CPT1B: variants seen among roughly 807,000 people sequenced by gnomAD.
CPT1B encodes carnitine palmitoyltransferase 1B.
In CPT1B, 57 loss-of-function variants were observed where a neutral mutation model predicts 92.7. The ratio of observed to expected loss-of-function variants is 0.62; its 90% CI spans 0.50 to 0.77. CPT1B has a LOEUF of 0.77. Ranked by LOEUF, CPT1B falls within the 30% of genes least tolerant of loss-of-function variation. The probability of loss-of-function intolerance (pLI) is 0.00; values close to 1 mark genes in which losing one functional copy is unlikely to be tolerated. For missense variants in CPT1B, 983 were observed against 1,017.4 expected (o/e 0.97, Z 0.46); for synonymous variants, 398 against 383.5 (o/e 1.04, Z -0.44).
At chr22:50,577,623 AC>A in intron 2 of CPT1B, 151 bp downstream of exon 2, 1 of 1,403,104 alleles carries the variant, frequency 7.1e-7, no homozygotes, top group Non-Finnish European at 9.7e-7. Flanking sequence ...CCTGTGTCCG[AC>A]CACATCCTGT....
In CPT1B at chr22:50,573,126, G is replaced by T; in HGVS notation, c.1167-66C>A. On this transcript the variant is annotated intron_variant, in intron 10 of 19. Transcript: ENST00000312108. The surrounding 1 kb of genome is among the most constrained non-coding windows in gnomAD (Gnocchi z 5.0). ...GGGATGAGGGTGCCTCTGAGGGCCT[G>T]GCTGGACCTGGAGATGGGGGTGGGG... 1 of 1,403,090 alleles carries T rather than the reference G, an allele frequency of 7.1e-7. No homozygotes were observed. The highest frequency in any genetic ancestry group is 9.8e-7 in the Non-Finnish European group (1 of 1,024,734). 86.9% of individuals were successfully genotyped at this position (1,403,090 alleles called of 1,614,324 possible).
chr22:50,569,346 AGGC>A lies in CPT1B; in HGVS notation c.2308_2310del (p.Ala770del), dbSNP rs1274759423. On this transcript the variant is annotated inframe_deletion, in exon 19 of 20. Transcript: ENST00000312108. ...TGGCATTTCTCCAACCTTCAGCTGTAGGCCTTGGGAACTTGGAAAAGATCAGCA... is the reference window on the plus strand; with the variant it reads ...TGGCATTTCTCCAACCTTCAGCTGTACTTGGGAACTTGGAAAAGATCAGCA... 6.2e-7 allele frequency: 1 copy of A among 1,613,952 alleles called. No individual in the cohort carries two copies. Among genetic ancestry groups the A allele is most frequent in the Non-Finnish European group, 8.5e-7 (1 of 1,179,984 alleles).
chr22:50,569,224 G>A, intron 19 of CPT1B, 112 bp downstream of exon 19: 1 of 998,922 alleles, frequency 1.0e-6, no homozygotes, highest in Non-Finnish European at 1.5e-6. Flanking sequence ...TGCTGCCGGA[G>A]CTGTCCTTGG....
chr22:50,575,330 A>G (rs778009837), intron 7 of CPT1B, among the ~76,000 whole-genome samples: 12 of 152,130 alleles, frequency 7.9e-5, no homozygotes, highest in Admixed American at 6.5e-5. Flanking sequence ...TTTATAAGCT[A>G]TTTTATGTGC....
rs1212939762 is a variant in CPT1B, at chr22:50,576,935, G to C, written c.381C>G (p.Thr127=). ...WVTGIFFFRQ[T]LKLLLCYHGW... ...CATGGTAGCAGAGAAGCAGCTTCAG[G>C]GTTTGGCGGAAGAAGAAGATGCCCG... is the stretch of plus-strand genomic sequence containing the variant. The change falls in exon 4 of 20, where the codon ACC becomes ACG. Residue 127 remains threonine, a synonymous_variant. Coordinates refer to ENST00000312108, the MANE Select transcript of CPT1B (RefSeq NM_152246.3). 6.2e-7 allele frequency: 1 copy of C among 1,614,130 alleles called. No individual in the cohort carries two copies. Among genetic ancestry groups the C allele is most frequent in the Non-Finnish European group, 8.5e-7 (1 of 1,180,030 alleles).
upstream of CPT1B, chr22:50,578,428 G>A (rs1603443629): frequency 6.5e-6 from 1 of 153,552 alleles, no homozygotes; most frequent in African/African-American, 2.4e-5. Flanking sequence ...CAGCCACTCT[G>A]GCCCGTGTCC....
At position 50,577,840 on chromosome 22, in the gene CPT1B, C is replaced by T; in HGVS notation, c.76G>A (p.Glu26Lys). 1 of 1,613,806 alleles carries T rather than the reference C, an allele frequency of 6.2e-7. No individual in the cohort carries two copies. Among genetic ancestry groups the T allele is most frequent in the Non-Finnish European group, 8.5e-7 (1 of 1,179,904 alleles). Residue 26 changes from glutamate (E) to lysine (K), a missense_variant, in exon 2 of 20, where the codon GAG becomes AAG. By Grantham distance (56) the Glu-to-Lys change is moderately conservative (BLOSUM62 1). Coordinates refer to ENST00000312108, the MANE Select transcript of CPT1B (RefSeq NM_152246.3). ...PDGVDFRLSR[E>K]ALKHVYLSGI... is the part of the protein sequence containing the mutation. ...GACAGGTAGACGTGTTTCAGGGCCT[C>T]CCGACTGAGCCGGAAGTCGACCCCG...
intron 13 of CPT1B, 129 bp downstream of exon 13, chr22:50,571,877 C>T (rs145985628): frequency 2.2e-6 from 2 of 894,366 alleles, no homozygotes; most frequent in Admixed American, 3.7e-5. Flanking sequence ...CTGAGACGTG[C>T]CCTGTGCCTT....
Position 50,573,798 on chromosome 22 carries a change from C to A in CPT1B, c.971-83G>T. ...GCCCACCTCCCATGCACTAGGTGACCCCTGCAGACCCTGTTTTGCTCGGCC... is the reference window on the plus strand; with the variant it reads ...GCCCACCTCCCATGCACTAGGTGACACCTGCAGACCCTGTTTTGCTCGGCC... On this transcript the variant is annotated intron_variant, in intron 9 of 19. Transcript: ENST00000312108. The surrounding 1 kb of genome is among the most constrained non-coding windows in gnomAD (Gnocchi z 5.0). 1 of 1,244,572 alleles carries A rather than the reference C, an allele frequency of 8.0e-7. No homozygotes were observed. The highest frequency in any genetic ancestry group is 1.2e-6 in the Non-Finnish European group (1 of 865,894). 77.1% of individuals were successfully genotyped at this position (1,244,572 alleles called of 1,614,324 possible). A position where few individuals can be genotyped will look rare whatever the true frequency, so the allele number is the denominator to read the frequency against.
rs745748554 is a variant in CPT1B, at chr22:50,577,927, G to C, written c.-12C>G. The C allele has an allele frequency of 9.3e-6, 15 of 1,604,834 alleles. No individual in the cohort carries two copies. Among genetic ancestry groups the C allele is most frequent in the Non-Finnish European group, 8.5e-7 (1 of 1,174,046 alleles). On this transcript the variant is annotated 5_prime_UTR_variant, in exon 2 of 20. Coordinates refer to ENST00000312108, the MANE Select transcript of CPT1B (RefSeq NM_152246.3). ...TGAGCTTCCGCCATCCTGGGGGTTGGTCGGCACCTAGGACGGGGGCAGATG... is the reference window on the plus strand; with the variant it reads ...TGAGCTTCCGCCATCCTGGGGGTTGCTCGGCACCTAGGACGGGGGCAGATG...
rs2070471909 is a variant in CPT1B at position 50,576,995 on chromosome 22, G to A, written c.321C>T (p.Leu107=). The A allele has an allele frequency of 1.2e-6, 2 of 1,614,088 alleles. No individual in the cohort carries two copies. The highest frequency in any genetic ancestry group is 1.7e-6 in the Non-Finnish European group (2 of 1,180,022). ...CGCCCGTGGAGAAGATGGCCATGCT[G>A]AGAAGTGCCCGGGTCTGCGGGGTCT... The part of the protein sequence containing the change: ...PYQTPQTRAL[L]SMAIFSTGVW... The change falls in exon 4 of 20, where the codon CTC becomes CTT. Residue 107 remains leucine (L), a synonymous_variant. Coordinates refer to ENST00000312108, the MANE Select transcript of CPT1B (RefSeq NM_152246.3).
In CPT1B at chr22:50,572,083, C is replaced by G; in HGVS notation, c.1498G>C (p.Glu500Gln). ...GGTTTGCCCAGGCAGTGCCCGGTCT[C>G]CGTGTAGCCCAGGTGGAAGCTGTCT... ...GTDSFHLGYT[E>Q]TGHCLGKPNP... The change falls in exon 13 of 20, where the codon GAG becomes CAG. Residue 500 changes from glutamate to glutamine, a missense_variant. Transcript: ENST00000312108. The G allele has an allele frequency of 6.2e-7, 1 of 1,614,154 alleles. No homozygotes were observed. The highest frequency in any genetic ancestry group is 8.5e-7 in the Non-Finnish European group (1 of 1,180,020).
In CPT1B at chr22:50,572,951, A is replaced by G. The variant is rs762448301; in HGVS notation, c.1276T>C (p.Tyr426His). 2.7e-5 allele frequency: 44 copies of G among 1,613,822 alleles called. No homozygotes were observed. The highest frequency in any genetic ancestry group is 3.6e-5 in the Non-Finnish European group (43 of 1,179,858). The change falls in exon 11 of 20, where the codon TAC (tyrosine) becomes CAC (histidine). Residue 426 changes from tyrosine (Y) to histidine (H), a missense_variant. Physicochemically the swap from Tyr to His is moderately conservative, Grantham distance 83. Coordinates refer to ENST00000312108, the MANE Select transcript of CPT1B (RefSeq NM_152246.3). ...GCCTCATCTTCGGGGTCATAGGAGT[A>G]GGATTCCTCATCCAGGGCCACGAAG... ...AFFVALDEESYSYDPEDEASL... is the reference protein window; with the variant it reads ...AFFVALDEESHSYDPEDEASL...
chr22:50,577,504 G>A (rs751238941), intron 2 of CPT1B, 41 bp from the exon 3 acceptor site: 23 of 1,608,964 alleles, frequency 1.4e-5, no homozygotes, highest in South Asian at 2.2e-5. Flanking sequence ...CCGGAAGGCG[G>A]GAGGTTAGCC....
At position 50,569,334 on chromosome 22, in the gene CPT1B, A is replaced by G. The variant is rs1355226436; in HGVS notation, c.*2+2T>C. On this transcript the variant is annotated splice_donor_variant, in intron 19 of 19. Transcript: ENST00000312108. LOFTEE classifies it low-confidence loss of function (3UTR_SPLICE). ...CGAAAGGGCAGCTGGCATTTCTCCAACCTTCAGCTGTAGGCCTTGGGAACT... is the reference window on the plus strand; with the variant it reads ...CGAAAGGGCAGCTGGCATTTCTCCAGCCTTCAGCTGTAGGCCTTGGGAACT... 2 of 1,613,788 alleles carry G rather than the reference A, an allele frequency of 1.2e-6. No individual in the cohort carries two copies. Among genetic ancestry groups the G allele is most frequent in the Non-Finnish European group, 8.5e-7 (1 of 1,179,854 alleles).
At chr22:50,569,724 G>A (rs1222393555) in intron 17 of CPT1B, 56 bp from the exon 18 acceptor site, 1 of 1,417,716 alleles carries the variant, frequency 7.1e-7, no homozygotes, top group East Asian at 2.3e-5. Context: ...AGATCTGAAA[G>A]CCAAGCTGAT....
rs751552911 is a variant in CPT1B, at chr22:50,573,404, C to T, written c.1166+116G>A. 32 of 912,618 alleles carry T rather than the reference C, an allele frequency of 3.5e-5. No homozygotes were observed. Among genetic ancestry groups the T allele is most frequent in the Non-Finnish European group, 5.3e-5 (32 of 606,464 alleles). The allele number at this position is 912,618 out of a possible 1,614,324, so 56.5% of individuals were successfully genotyped here. ...GTCCTGCTGCCATGACCACCAATGC[C>T]CCTCCCCTAGTTGTGCCTCCAGCCT... On this transcript the variant is annotated intron_variant, in intron 10 of 19. Transcript: ENST00000312108. The surrounding 1 kb of genome is among the most constrained non-coding windows in gnomAD (Gnocchi z 5.0).
intron 1 of CPT1B, chr22:50,578,165 G>C (rs1253298903): frequency 6.0e-6 from 1 of 167,490 alleles, no homozygotes; most frequent in Non-Finnish European, 1.3e-5. Flanking sequence ...AGCTCCAGGA[G>C]CCCCAAGGAC....
At position 50,577,761 on chromosome 22, in the gene CPT1B, G is replaced by A; in HGVS notation, c.141+14C>T. ...GGCCTCTGCCTACGCTCTGGGAGAA[G>A]CACCTGTGCGCACCTTGATGCGGAT... On this transcript the variant is annotated intron_variant, in intron 2 of 19. Coordinates refer to ENST00000312108, the MANE Select transcript of CPT1B (RefSeq NM_152246.3). The A allele has an allele frequency of 1.2e-6, 2 of 1,609,298 alleles. No individual in the cohort carries two copies. Among genetic ancestry groups the A allele is most frequent in the South Asian group, 1.1e-5 (1 of 91,036 alleles).
Sources: allele counts gnomAD v4.1 joint callset (sites outside exome capture counted in the v4.1 genomes callset), GRCh38; gene constraint gnomAD v4.1.1; non-coding constraint Gnocchi (gnomAD v3.1); transcripts MANE v1.5; gene names NCBI Gene and HGNC (gene_info 2026-07-23, HGNC 2026-07-21).